PI4KA: variants seen among roughly 807,000 people sequenced by gnomAD.
PI4KA encodes phosphatidylinositol 4-kinase alpha, also known as PI4-kinase alpha.
A neutral mutation model predicts 271.4 loss-of-function variants in PI4KA; 122 were observed. The ratio of observed to expected loss-of-function variants is 0.45; its 90% CI spans 0.39 to 0.52. The LOEUF (loss-of-function observed/expected upper bound fraction) is 0.52, where lower values mean the gene tolerates loss of function less well. Ranked by LOEUF, PI4KA falls within the 20% of genes least tolerant of loss-of-function variation. PI4KA has a pLI of 0.00. For missense variants in PI4KA, 1,969 were observed against 2,769.1 expected (o/e 0.71, Z 6.48); for synonymous variants, 1,041 against 1,078.8 (o/e 0.96, Z 0.69).
intron 19 of PI4KA, among the ~76,000 whole-genome samples, chr22:20,768,117 T>C (rs2147413086): frequency 6.6e-6 from 1 of 152,194 alleles, no homozygotes; most frequent in East Asian, 1.9e-4. Context: ...GTTCCTCAAT[T>C]CCCAGACGGT....
chr22:20,774,204 G>C (rs985164540), intron 19 of PI4KA: 1 of 152,146 alleles, frequency 6.6e-6, no homozygotes, highest in African/African-American at 2.4e-5. Context: ...TTTACGGATA[G>C]GCAACTGGTT....
intron 1 of PI4KA, among the ~76,000 whole-genome samples, chr22:20,849,232 T>A (rs902485156): frequency 2.0e-5 from 3 of 152,192 alleles, no homozygotes; most frequent in African/African-American, 7.2e-5. Flanking sequence ...ACAAGCCCTC[T>A]GTACACCGTT....
intron 19 of PI4KA, chr22:20,779,307 G>A (rs751332945): frequency 1.1e-5 from 17 of 1,613,952 alleles, no homozygotes; most frequent in Middle Eastern, 1.6e-4. Context: ...CTTTAGCTCC[G>A]CCAAAATGAA....
In PI4KA at chr22:20,710,521, G is replaced by T. The variant is rs529340403; in HGVS notation, c.6083+178C>A. 1.4e-4 allele frequency: 94 copies of T among 653,184 alleles called. No homozygotes were observed. The Middle Eastern group carries it at 1.7e-3, about 12-fold the overall frequency. The allele number at this position is 653,184 out of a possible 1,614,324, so 40.5% of individuals were successfully genotyped here. A position where few individuals can be genotyped will look rare whatever the true frequency, so the allele number is the denominator to read the frequency against. On this transcript the variant is annotated intron_variant, in intron 52 of 54. Coordinates refer to ENST00000255882, the MANE Select transcript of PI4KA (RefSeq NM_058004.4). ...AGGTGGTTGGAATTAGATGTCCAGA[G>T]CAAGAATTTACTGGCACAGGTGGGC...
intron 14 of PI4KA, among the ~76,000 whole-genome samples, chr22:20,800,544 TC>T (rs1445699407): frequency 6.6e-6 from 1 of 151,990 alleles, no homozygotes; most frequent in Non-Finnish European, 1.5e-5. Context: ...TTTTTACTTT[TC>T]TATACATTAC....
At chr22:20,713,181 A>T in intron 48 of PI4KA, 100 bp downstream of exon 48, 1 of 913,140 alleles carries the variant, frequency 1.1e-6, no homozygotes, top group Non-Finnish European at 1.8e-6. Context: ...GAAGGAAAAG[A>T]TTCACATTTC....
intron 2 of PI4KA, among the ~76,000 whole-genome samples, chr22:20,837,432 G>T (rs1051801929): frequency 6.6e-5 from 10 of 152,206 alleles, no homozygotes; most frequent in East Asian, 1.9e-4. Flanking sequence ...TCTAATTTTG[G>T]TTTTTTATGT....
intron 28 of PI4KA, among the ~76,000 whole-genome samples, chr22:20,748,835 G>T (rs951513638): frequency 6.6e-6 from 1 of 152,196 alleles, no homozygotes; most frequent in Non-Finnish European, 1.5e-5. Context: ...GTGGGTGGAG[G>T]AGAGGGCAGA....
intron 18 of PI4KA, among the ~76,000 whole-genome samples, chr22:20,793,866 A>C (rs1934804770): frequency 6.6e-6 from 1 of 152,244 alleles, no homozygotes; most frequent in Admixed American, 6.5e-5. Context: ...TGATTAGTAA[A>C]AATTCTGGAA....
intron 1 of PI4KA, among the ~76,000 whole-genome samples, chr22:20,848,492 A>G (rs1364645091): frequency 1.3e-5 from 2 of 152,220 alleles, no homozygotes; most frequent in Admixed American, 1.3e-4. Flanking sequence ...ACAGTATACT[A>G]GCCAACATCA....
intron 40 of PI4KA, 87 bp from the exon 41 acceptor site, chr22:20,727,484 A>G: frequency 8.1e-7 from 1 of 1,232,576 alleles, no homozygotes; most frequent in Non-Finnish European, 1.1e-6. Context: ...AAGGACGGCC[A>G]TGAGAAGTGA....
chr22:20,839,856 G>A (rs1337186921), intron 1 of PI4KA, among the ~76,000 whole-genome samples: 2 of 152,106 alleles, frequency 1.3e-5, no homozygotes, highest in African/African-American at 2.4e-5. Flanking sequence ...AATGTGTGAA[G>A]CAGTTGGGAC....
intron 20 of PI4KA, 145 bp downstream of exon 20, chr22:20,765,440 G>C: frequency 2.7e-6 from 2 of 750,904 alleles, no homozygotes; most frequent in Non-Finnish European, 4.5e-6. Context: ...TCTGGGGACA[G>C]TAACACTTGC....
chr22:20,781,028 A>AT (rs955342866), intron 19 of PI4KA, among the ~76,000 whole-genome samples: 8 of 152,188 alleles, frequency 5.3e-5, no homozygotes, highest in African/African-American at 1.7e-4. Context: ...AGCAGCTGAC[A>AT]TTGACACCTA....
At position 20,751,321 on chromosome 22, in the gene PI4KA, G is replaced by A. The variant is rs769313764; in HGVS notation, c.3125C>T (p.Thr1042Met). The A allele has an allele frequency of 6.9e-5, 112 of 1,613,956 alleles. No individual in the cohort carries two copies. In the South Asian group the frequency reaches 1.1e-3, roughly 16 times the overall value. Residue 1042 changes from threonine to methionine, a missense_variant, in exon 27 of 55, where the codon ACG (threonine) becomes ATG (methionine). Thr to Met is a moderately conservative substitution (Grantham distance 81). Coordinates refer to ENST00000255882, the MANE Select transcript of PI4KA (RefSeq NM_058004.4). ...YDIPDAPYRI[T>M]VPDTYEARES... Reference sequence around the variant, plus strand: ...ACGGGCTTCGTACGTGTCAGGAACCGTGATCCGGTAGGGGGCGTCGGGGAT... The same window carrying A: ...ACGGGCTTCGTACGTGTCAGGAACCATGATCCGGTAGGGGGCGTCGGGGAT...
Position 20,807,421 on chromosome 22 carries a change from C to A in PI4KA, c.1109G>T (p.Ser370Ile), listed in dbSNP as rs1446696540. The A allele has an allele frequency of 6.2e-7, 1 of 1,613,524 alleles. No homozygotes were observed. Among genetic ancestry groups the A allele is most frequent in the Admixed American group, 1.7e-5 (1 of 60,016 alleles). The change falls in exon 10 of 55, where the codon AGT becomes ATT. Residue 370 changes from serine to isoleucine, a missense_variant. By Grantham distance (142) the Ser-to-Ile change is moderately radical. Transcript: ENST00000255882. ...GAACATGGTCAGGTAGAGAGGGTCA[C>A]TGAAGGAAGTGTAGTAGAGATCAGC... is the stretch of plus-strand genomic sequence containing the variant. Reference protein sequence around the residue: ...PSADLYYTSFSDPLYLTMFKM... With the variant: ...PSADLYYTSFIDPLYLTMFKM...
intron 29 of PI4KA, 145 bp downstream of exon 29, chr22:20,747,437 AC>A (rs1262423964): frequency 1.4e-6 from 1 of 729,420 alleles, no homozygotes; most frequent in Non-Finnish European, 2.1e-6. Context: ...TGCGGCTTGC[AC>A]CACTACCATT....
chr22:20,754,482 G>A (rs1306898250), intron 23 of PI4KA, among the ~76,000 whole-genome samples: 2 of 152,196 alleles, frequency 1.3e-5, no homozygotes, highest in African/African-American at 4.8e-5. Flanking sequence ...TTGTGAATGA[G>A]AATTACAGCC....
chr22:20,830,702 G>A (rs1046470951), intron 3 of PI4KA, among the ~76,000 whole-genome samples: 1 of 152,134 alleles, frequency 6.6e-6, no homozygotes, highest in South Asian at 2.1e-4. Context: ...TGGTTATTAT[G>A]TAGGCTTGTT....
Sources: gnomAD v4.1 joint callset for allele counts (sites outside exome capture counted in the v4.1 genomes callset) on GRCh38, gnomAD v4.1.1 for gene constraint, MANE v1.5 for transcripts, NCBI Gene and HGNC (gene_info 2026-07-23, HGNC 2026-07-21) for gene names.